The following ZC3H3 variants were observed in gnomAD, a reference collection of about 807,000 sequenced individuals.
The protein encoded by ZC3H3 is zinc finger CCCH domain-containing protein 3.
Under a neutral mutation model 77.3 loss-of-function variants are expected in ZC3H3, and 36 were observed. That is an observed-to-expected ratio of 0.47 (90% CI 0.36 to 0.61). ZC3H3 has a LOEUF of 0.61. Ranked by LOEUF, ZC3H3 falls within the 20% of genes least tolerant of loss-of-function variation. The pLI is 0.00. For missense variants in ZC3H3, 1,331 were observed against 1,312.2 expected (o/e 1.01, Z -0.22); for synonymous variants, 626 against 555.2 (o/e 1.13, Z -1.79).
chr8:143,462,453 G>A lies in ZC3H3; in HGVS notation c.2307+3264C>T, dbSNP rs1214457284. On this transcript the variant is annotated intron_variant, in intron 9 of 11. Transcript: ENST00000262577. The surrounding 1 kb of genome is among the most constrained non-coding windows in gnomAD (Gnocchi z 4.7). ...CGGCCTAACAAAGGGCAGCACTGGC[G>A]AAAGCAAGGCACCAACAGAGAAGCG... 6.6e-6 allele frequency among the ~76,000 whole-genome samples: 1 copy of A among 152,186 alleles called. No individual in the cohort carries two copies. The highest frequency in any genetic ancestry group is 1.5e-5 in the Non-Finnish European group (1 of 68,020).
chr8:143,473,024 A>G (rs552924485), intron 5 of ZC3H3, among the ~76,000 whole-genome samples: 1 of 152,322 alleles, frequency 6.6e-6, no homozygotes, highest in African/African-American at 2.4e-5. Flanking sequence ...TGCCAGGAGC[A>G]GCCTCTGCTG....
In ZC3H3 at chr8:143,538,934, A is replaced by G. The variant is rs571946966; in HGVS notation, c.433T>C (p.Ser145Pro). ...GGGGTTTCCTCAAATTCTTCCAAAG[A>G]GCCCCGCTGGGCCCCTGAGGCACTG... ...SASASGAQRG[S>P]LEEFEETPWS... Residue 145 changes from serine (S) to proline (P), a missense_variant, in exon 2 of 12, where the codon TCT becomes CCT. By Grantham distance (74) the Ser-to-Pro change is moderately conservative. Around this residue, in one of 3 missense-constraint regions of ZC3H3, gnomAD observed 978 missense variants for 915.5 expected, o/e 1.07. Transcript: ENST00000262577. The G allele has an allele frequency of 1.2e-6, 2 of 1,612,920 alleles. No homozygotes were observed. Among genetic ancestry groups the G allele is most frequent in the South Asian group, 2.2e-5 (2 of 91,080 alleles).
At chr8:143,482,410 T>A (rs1820931028) in intron 4 of ZC3H3, among the ~76,000 whole-genome samples, 1 of 152,136 alleles carries the variant, frequency 6.6e-6, no homozygotes, top group African/African-American at 2.4e-5. Flanking sequence ...TGTAAATGTG[T>A]GTTGCGAGAA....
intron 4 of ZC3H3, among the ~76,000 whole-genome samples, chr8:143,491,082 C>T (rs902553170): frequency 5.9e-5 from 9 of 152,202 alleles, no homozygotes; most frequent in Admixed American, 1.3e-4. Flanking sequence ...CATGCTTGCC[C>T]CTCCCTCCAG....
chr8:143,469,141 C>G (rs373381274), intron 5 of ZC3H3, among the ~76,000 whole-genome samples: 2 of 152,376 alleles, frequency 1.3e-5, no homozygotes, highest in African/African-American at 4.8e-5. Flanking sequence ...CTGCTCCTGG[C>G]TCTCTCCTCA....
chr8:143,500,530 A>G (rs989084384), intron 4 of ZC3H3, among the ~76,000 whole-genome samples: 1 of 152,256 alleles, frequency 6.6e-6, no homozygotes, highest in African/African-American at 2.4e-5. Context: ...TTCTGCTGCT[A>G]TAACAGAATA....
chr8:143,479,992 C>G (rs934657130), intron 4 of ZC3H3, among the ~76,000 whole-genome samples: 1 of 152,218 alleles, frequency 6.6e-6, no homozygotes, highest in Non-Finnish European at 1.5e-5. Context: ...GCCCAGAGGG[C>G]TGAGCCCAGG....
chr8:143,473,254 C>A (rs1458636385), intron 5 of ZC3H3, among the ~76,000 whole-genome samples: 1 of 152,150 alleles, frequency 6.6e-6, no homozygotes, highest in African/African-American at 2.4e-5. Flanking sequence ...CCTCACGCCC[C>A]CTCCCACTCC....
At chr8:143,483,222 T>G (rs1336376446) in intron 4 of ZC3H3, among the ~76,000 whole-genome samples, 1 of 152,188 alleles carries the variant, frequency 6.6e-6, no homozygotes, top group East Asian at 1.9e-4. Context: ...ACTGCTTAAG[T>G]GGGGCTTTCC....
At chr8:143,504,120 G>A (rs1586932710) in intron 4 of ZC3H3, among the ~76,000 whole-genome samples, 1 of 152,170 alleles carries the variant, frequency 6.6e-6, no homozygotes, top group Non-Finnish European at 1.5e-5. Context: ...CCCAGAGGAG[G>A]GAACAGGCCT....
intron 9 of ZC3H3, among the ~76,000 whole-genome samples, chr8:143,454,012 C>T (rs1820051373): frequency 6.6e-6 from 1 of 152,126 alleles, no homozygotes; most frequent in African/African-American, 2.4e-5. Context: ...TTTCAGTTAC[C>T]TGAAGTCAAC....
At chr8:143,514,740 C>T (rs755147853) in intron 3 of ZC3H3, among the ~76,000 whole-genome samples, 2 of 152,214 alleles carry the variant, frequency 1.3e-5, no homozygotes, top group South Asian at 2.1e-4. Flanking sequence ...CGTTCACCTG[C>T]GGGCACCCAT....
chr8:143,515,863 C>T (rs536303031), intron 3 of ZC3H3, among the ~76,000 whole-genome samples: 1 of 152,354 alleles, frequency 6.6e-6, no homozygotes, highest in East Asian at 1.9e-4. Flanking sequence ...TGCACCCGGA[C>T]CACCATCTAT....
chr8:143,485,996 G>A (rs1821042544), intron 4 of ZC3H3, among the ~76,000 whole-genome samples: 1 of 152,256 alleles, frequency 6.6e-6, no homozygotes, highest in Non-Finnish European at 1.5e-5. Flanking sequence ...CTGGCAGGCT[G>A]GGACAGCTAC....
Position 143,460,970 on chromosome 8 carries a change from G to A in ZC3H3, c.2307+4747C>T, listed in dbSNP as rs536154361. 2.4e-4 allele frequency among the ~76,000 whole-genome samples: 37 copies of A among 152,312 alleles called. No individual in the cohort carries two copies. Among genetic ancestry groups the A allele is most frequent in the African/African-American group, 8.7e-4 (36 of 41,556 alleles). ...GGGTTTGGGAAGCGGGGAGTGGAGAGTCATTGCTGAATACTCAGTGTTTCT... is the reference window on the plus strand; with the variant it reads ...GGGTTTGGGAAGCGGGGAGTGGAGAATCATTGCTGAATACTCAGTGTTTCT... On this transcript the variant is annotated intron_variant, in intron 9 of 11. Transcript: ENST00000262577. The surrounding 1 kb of genome is among the most constrained non-coding windows in gnomAD (Gnocchi z 4.0).
chr8:143,453,332 G>T (rs1184437842), intron 9 of ZC3H3, among the ~76,000 whole-genome samples: 1 of 151,938 alleles, frequency 6.6e-6, no homozygotes, highest in Non-Finnish European at 1.5e-5. Context: ...CAAGCAGTTT[G>T]CCCACCTGGT....
At position 143,538,501 on chromosome 8, in the gene ZC3H3, G is replaced by C; in HGVS notation, c.866C>G (p.Pro289Arg). Residue 289 changes from proline (P) to arginine (R), a missense_variant, in exon 2 of 12, where the codon CCC becomes CGC. By Grantham distance (103) the Pro-to-Arg change is moderately radical. This residue lies in a region of ZC3H3 where 978 missense variants were observed against 915.5 expected (regional missense o/e 1.07). Coordinates refer to ENST00000262577, the MANE Select transcript of ZC3H3 (RefSeq NM_015117.3). ...VGGPARPASG[P>R]RQAREASLVV... is the part of the protein sequence containing the mutation. ...CAGCGAGGCCTCCCGGGCCTGCCTG[G>C]GTCCTGAGGCCGGTCTGGCGGGGCC... The C allele has an allele frequency of 6.2e-7, 1 of 1,612,748 alleles. No individual in the cohort carries two copies. Among genetic ancestry groups the C allele is most frequent in the Non-Finnish European group, 8.5e-7 (1 of 1,180,020 alleles).
chr8:143,444,470 C>G (rs1415346122), intron 9 of ZC3H3, among the ~76,000 whole-genome samples: 1 of 152,172 alleles, frequency 6.6e-6, no homozygotes, highest in African/African-American at 2.4e-5. Flanking sequence ...AAGTCCTACA[C>G]AAATTATAAA....
In ZC3H3 at chr8:143,468,537, C is replaced by T; in HGVS notation, c.1950G>A (p.Arg650=). The T allele has an allele frequency of 6.2e-7, 1 of 1,607,406 alleles. No homozygotes were observed. Among genetic ancestry groups the T allele is most frequent in the Non-Finnish European group, 8.5e-7 (1 of 1,177,558 alleles). Residue 650 remains arginine, a synonymous_variant, in exon 7 of 12, where the codon CGG becomes CGA. Coordinates refer to ENST00000262577, the MANE Select transcript of ZC3H3 (RefSeq NM_015117.3). ...TGATGGCCAGGCTGCGCTGCACTGC[C>T]CGGCTGCAGACGGGGAGAGAGGTGC... ...AGSCSRSLAS[R]AVQRSLAIIR...
Sources: gnomAD v4.1 joint callset for allele counts (sites outside exome capture counted in the v4.1 genomes callset) on GRCh38, gnomAD v4.1.1 for gene constraint, gnomAD v4.1.1 regional missense constraint, Gnocchi (gnomAD v3.1) non-coding constraint, MANE v1.5 for transcripts, NCBI Gene and HGNC (gene_info 2026-07-23, HGNC 2026-07-21) for gene names.